Variants in BCORL1 observed in about 807,000 individuals in gnomAD.
BCORL1 encodes the protein BCL-6 corepressor-like protein 1.
A neutral mutation model predicts 87.6 loss-of-function variants in BCORL1; 7 were observed. That is an observed-to-expected ratio of 0.08 (90% CI 0.05 to 0.15). BCORL1 has a LOEUF of 0.15. Ranked by LOEUF, BCORL1 falls within the 10% of genes least tolerant of loss-of-function variation. The pLI is 1.00. For synonymous variants in BCORL1, 591 were observed against 634.4 expected (o/e 0.93, Z 1.03); for missense variants, 1,215 against 1,499.7 (o/e 0.81, Z 3.13).
In BCORL1 at chrX:130,045,391, GT is replaced by G. The variant is rs755252065; in HGVS notation, c.4841-5321del. Among the ~76,000 whole-genome samples the G allele has an allele frequency of 7.0e-4, 78 of 111,324 alleles. No homozygotes were observed. The South Asian group carries it at 0.029, about 41-fold the overall frequency. ...TGAAGTCACTGAATCACAGGTTATTGTTTTTCCTGCTAGATACCTCTGCCAT... is the reference window on the plus strand; with the variant it reads ...TGAAGTCACTGAATCACAGGTTATTGTTTTCCTGCTAGATACCTCTGCCAT... On this transcript the variant is annotated intron_variant, in intron 11 of 13. Transcript: ENST00000540052.
At chrX:129,990,438 A>G (rs1460410658) in intron 1 of BCORL1, among the ~76,000 whole-genome samples, 3 of 109,719 alleles carry the variant, frequency 2.7e-5, no homozygotes, top group Non-Finnish European at 3.8e-5. Context: ...TCACTGTGTT[A>G]GCCAGGATGG....
chrX:130,041,914 A>G (rs1316062784), intron 11 of BCORL1, among the ~76,000 whole-genome samples: 1 of 111,874 alleles, frequency 8.9e-6, no homozygotes, highest in Non-Finnish European at 1.9e-5. Flanking sequence ...GGCGTGAGCC[A>G]CCGCGCCCGG....
At position 130,014,281 on chromosome X, in the gene BCORL1, G is replaced by A. The variant is rs182211329; in HGVS notation, c.1509G>A (p.Pro503=). 6.5e-5 allele frequency: 78 copies of A among 1,208,835 alleles called. No individual in the cohort carries two copies. The highest frequency in any genetic ancestry group is 1.3e-4 in the Admixed American group (6 of 45,639). ...VLASPELRSY[P]YAFSVARPLT... ...CCTCCCCCGAGCTCCGTTCTTACCC[G>A]TATGCATTTTCTGTGGCCCGGCCTC... is the stretch of plus-strand genomic sequence containing the variant. Residue 503 remains proline, a synonymous_variant, in exon 4 of 14, where the codon CCG becomes CCA. Transcript: ENST00000540052.
At chrX:130,006,725 C>G (rs1376295595) in intron 2 of BCORL1, among the ~76,000 whole-genome samples, 2 of 109,407 alleles carry the variant, frequency 1.8e-5, no homozygotes, top group Non-Finnish European at 3.8e-5. Flanking sequence ...GCGTATGCCA[C>G]CACACCTGGC....
At chrX:130,012,895 C>A in intron 3 of BCORL1, 55 bp from the exon 4 acceptor site, 3 of 1,163,887 alleles carry the variant, frequency 2.6e-6, no homozygotes, top group Non-Finnish European at 3.5e-6. Flanking sequence ...CCTCAGGACA[C>A]TTGCACCATC....
intron 9 of BCORL1, 72 bp downstream of exon 9, chrX:130,034,748 C>A: frequency 1.3e-6 from 1 of 790,968 alleles, no homozygotes; most frequent in Non-Finnish European, 1.7e-6. Context: ...TCTCCATGGG[C>A]TCTTCTGGTG....
chrX:130,027,537 C>T (rs897812196), intron 7 of BCORL1, among the ~76,000 whole-genome samples: 13 of 112,534 alleles, frequency 1.2e-4, no homozygotes, highest in African/African-American at 4.2e-4. Flanking sequence ...GTTGAGAACT[C>T]TTCAATCTCA....
chrX:130,037,312 A>G, intron 9 of BCORL1, 55 bp from the exon 10 acceptor site: 14 of 1,152,239 alleles, frequency 1.2e-5, no homozygotes, highest in African/African-American at 1.8e-5. Context: ...TCAGGGTTAT[A>G]TAAGTTCAAG....
chrX:130,016,179 C>T lies in BCORL1; in HGVS notation c.3407C>T (p.Ala1136Val). ...GAAGAGCAGCAGCTCCAGCCACAAG[C>T]CAAGGCCGTGGTCCGGAGTTCCCAC... The part of the protein sequence containing the change: ...DSEEQQLQPQ[A>V]KAVVRSSHRP... The change falls in exon 4 of 14, where the codon GCC becomes GTC. Residue 1136 changes from alanine (A) to valine (V), a missense_variant. By Grantham distance (64) the Ala-to-Val change is moderately conservative. This residue lies in a region of BCORL1 where 861 missense variants were observed against 1,010.0 expected (regional missense o/e 0.85). Transcript: ENST00000540052. 3 of 1,208,445 alleles carry T rather than the reference C, an allele frequency of 2.5e-6. No individual in the cohort carries two copies. Among genetic ancestry groups the T allele is most frequent in the Non-Finnish European group, 3.4e-6 (3 of 893,830 alleles).
intron 2 of BCORL1, among the ~76,000 whole-genome samples, chrX:130,006,764 G>A (rs1370505757): frequency 9.1e-6 from 1 of 110,317 alleles, no homozygotes; most frequent in African/African-American, 3.3e-5. Context: ...TAGAGACGGA[G>A]TTTTACTATG....
chrX:130,030,412 G>C (rs1303241498), intron 8 of BCORL1, among the ~76,000 whole-genome samples: 1 of 111,458 alleles, frequency 9.0e-6, no homozygotes, highest in African/African-American at 3.3e-5. Context: ...TGGGAGGTAG[G>C]CACCTTTATT....
At chrX:129,986,551 G>T (rs1926638723) in intron 1 of BCORL1, among the ~76,000 whole-genome samples, 2 of 112,309 alleles carry the variant, frequency 1.8e-5, no homozygotes, top group South Asian at 3.7e-4. Context: ...GGGTGCAGTG[G>T]CTCACTCCTG....
At chrX:130,017,056 A>G (rs1443728576) in intron 4 of BCORL1, among the ~76,000 whole-genome samples, 2 of 112,366 alleles carry the variant, frequency 1.8e-5, no homozygotes, top group African/African-American at 6.5e-5. Flanking sequence ...ATTTCTGGCT[A>G]GAGCACTGTG....
At chrX:130,054,683 G>A (rs961521945) in intron 13 of BCORL1, among the ~76,000 whole-genome samples, 9 of 110,559 alleles carry the variant, frequency 8.1e-5, no homozygotes, top group African/African-American at 1.3e-4. Flanking sequence ...AGGCTGAGGC[G>A]GGTGGATCAT....
At chrX:130,026,126 G>T (rs1239722129) in intron 7 of BCORL1, among the ~76,000 whole-genome samples, 1 of 111,710 alleles carries the variant, frequency 9.0e-6, no homozygotes, top group African/African-American at 3.3e-5. Context: ...TTCTAAATGA[G>T]CAAAAAGCAC....
In BCORL1 at chrX:130,025,381, TA is replaced by T; in HGVS notation, c.4078+4del. 8.8e-7 allele frequency: 1 copy of T among 1,142,198 alleles called. No individual in the cohort carries two copies. Among genetic ancestry groups the T allele is most frequent in the African/African-American group, 1.8e-5 (1 of 55,057 alleles). 94.1% of individuals were successfully genotyped at this position (1,142,198 alleles called of 1,213,427 possible). ...AGCAGCGGCGGAAAGGGAGAGCAGG[TA>T]AGGCTGGCCAGGGGCTCTGCTGTCG... On this transcript the variant is annotated splice_donor_region_variant and intron_variant, in intron 7 of 13. Transcript: ENST00000540052.
At chrX:130,005,648 C>G (rs1252356256) in intron 2 of BCORL1, among the ~76,000 whole-genome samples, 1 of 110,862 alleles carries the variant, frequency 9.0e-6, no homozygotes, top group Non-Finnish European at 1.9e-5. Context: ...CAGAGCCTCG[C>G]TTTGTCATGC....
chrX:130,021,326 C>T (rs1304712262), intron 5 of BCORL1, 176 bp downstream of exon 5: 8 of 745,306 alleles, frequency 1.1e-5, no homozygotes, highest in Non-Finnish European at 1.3e-5. Flanking sequence ...GAGCAAGGAT[C>T]GGGGGCCCCT....
At chrX:130,009,358 G>C (rs1013759660) in intron 2 of BCORL1, among the ~76,000 whole-genome samples, 6 of 110,227 alleles carry the variant, frequency 5.4e-5, no homozygotes, top group Admixed American at 1.9e-4. Context: ...CCAGCTACTC[G>C]GGAGGCTCAG....
Sources: gnomAD v4.1 joint callset for allele counts (sites outside exome capture counted in the v4.1 genomes callset) on GRCh38, gnomAD v4.1.1 for gene constraint, gnomAD v4.1.1 regional missense constraint, MANE v1.5 for transcripts, NCBI Gene and HGNC (gene_info 2026-07-23, HGNC 2026-07-21) for gene names.